Variants in DAPK2 observed in about 807,000 individuals in gnomAD.
The protein encoded by DAPK2 is death-associated protein kinase 2.
Under a neutral mutation model 44.1 loss-of-function variants are expected in DAPK2, and 35 were observed. The ratio of observed to expected loss-of-function variants is 0.79; its 90% confidence interval spans 0.61 to 1.05. DAPK2 has a LOEUF of 1.05. Among genes scored for constraint, DAPK2 ranks in the 50% least tolerant of loss-of-function variants. The pLI, the probability that DAPK2 is intolerant of heterozygous loss-of-function variation, is 0.00. For synonymous variants in DAPK2, 174 were observed against 182.6 expected, an observed-to-expected ratio of 0.95 and a Z score of 0.38; for missense variants, 453 against 483.2, an observed-to-expected ratio of 0.94 and a Z score of 0.59.
At chr15:64,022,069 G>A (rs1409762137) in intron 1 of DAPK2, among the ~76,000 whole-genome samples, 1 of 152,126 alleles carries the variant, frequency 6.6e-6, no homozygotes, top group Non-Finnish European at 1.5e-5. Context: ...CTTGCAAAGA[G>A]GAAAGCAGGG....
At chr15:63,918,811 C>G (rs1021377698) in intron 8 of DAPK2, 1 of 152,356 alleles carries the variant, frequency 6.6e-6, no homozygotes, top group African/African-American at 2.4e-5. Context: ...TGCCACTGCA[C>G]TCCAGCCTGG....
At chr15:63,911,719 A>G (rs2078797124) in intron 10 of DAPK2, 189 bp downstream of exon 11, 1 of 629,496 alleles carries the variant, frequency 1.6e-6, no homozygotes, top group Non-Finnish European at 2.8e-6. Context: ...GGCACCACCC[A>G]GAGGTCCCCA....
intron 3 of DAPK2, among the ~76,000 whole-genome samples, chr15:63,959,150 CTGTT>C (rs1394759087): frequency 3.9e-5 from 6 of 152,242 alleles, no homozygotes; most frequent in East Asian, 3.9e-4. Context: ...ATTTGGTTCT[CTGTT>C]TGTCTATTAT....
upstream of DAPK2, among the ~76,000 whole-genome samples, chr15:64,045,162 C>A (rs2080432708): frequency 6.6e-6 from 1 of 152,192 alleles, no homozygotes; most frequent in Admixed American, 6.5e-5. Flanking sequence ...GTGCGGGTCT[C>A]ATTCCTGCCA....
At position 63,971,976 on chromosome 15, in the gene DAPK2, T is replaced by C. The variant is rs141574260; in HGVS notation, c.315-415A>G. ...CCCCCAAGGTGATGGTATTAGGAGATAGGGCCTTTGGGAAGTAATTAAGTC... is the reference window on the plus strand; with the variant it reads ...CCCCCAAGGTGATGGTATTAGGAGACAGGGCCTTTGGGAAGTAATTAAGTC... On this transcript the variant is annotated intron_variant, in intron 2 of 10. Coordinates refer to ENST00000261891, the Ensembl canonical transcript of DAPK2. Among the ~76,000 whole-genome samples, 9 of 152,334 alleles carry C rather than the reference T, an allele frequency of 5.9e-5. No homozygotes were observed. The South Asian group carries it at 1.2e-3, about 21-fold the overall frequency.
At chr15:64,012,820 G>A (rs2079423142) in intron 1 of DAPK2, among the ~76,000 whole-genome samples, 1 of 152,150 alleles carries the variant, frequency 6.6e-6, no homozygotes, top group Admixed American at 6.5e-5. Context: ...ACTTTTAAAT[G>A]CACTATTTGA....
intron 3 of DAPK2, among the ~76,000 whole-genome samples, chr15:63,968,416 T>C (rs1256380894): frequency 6.6e-6 from 1 of 152,156 alleles, no homozygotes; most frequent in African/African-American, 2.4e-5. Flanking sequence ...TAATGGAAAA[T>C]GTCCAGGTTA....
chr15:63,925,237 G>A (rs774514308), intron 7 of DAPK2, among the ~76,000 whole-genome samples: 20 of 152,046 alleles, frequency 1.3e-4, no homozygotes, highest in African/African-American at 4.3e-4. Flanking sequence ...TCTGCCTTTC[G>A]CTGCTCTGTA....
intron 8 of DAPK2, chr15:63,922,638 C>A (rs575670090): frequency 1.5e-4 from 216 of 1,440,648 alleles, no homozygotes; most frequent in Admixed American, 8.8e-4. Flanking sequence ...CAGACACACA[C>A]CCCTGCAGGA....
chr15:64,007,481 T>A (rs2079265776), intron 1 of DAPK2, among the ~76,000 whole-genome samples: 1 of 152,042 alleles, frequency 6.6e-6, no homozygotes, highest in Non-Finnish European at 1.5e-5. Flanking sequence ...AGGAAACCTC[T>A]CCTGCCTCCT....
chr15:63,912,230 C>T lies in DAPK2; in HGVS notation c.859-33G>A. 1.2e-6 allele frequency: 2 copies of T among 1,608,638 alleles called. No individual in the cohort carries two copies. The highest frequency in any genetic ancestry group is 1.7e-6 in the Non-Finnish European group (2 of 1,176,016). ...ACAAAGCAGAGCATGGCAGCTGATG[C>T]TGGGCTTCAGACAGCAGCCACCCTC... On this transcript the variant is annotated intron_variant, in intron 8 of 10. Transcript: ENST00000261891. This position sits in a 1 kb window ranked among gnomAD's most constrained non-coding sequence, Gnocchi z 4.4.
intron 1 of DAPK2, among the ~76,000 whole-genome samples, chr15:64,011,113 T>A (rs1381562138): frequency 6.6e-6 from 1 of 152,210 alleles, no homozygotes; most frequent in Non-Finnish European, 1.5e-5. Context: ...TAAAGCCATA[T>A]GCAAAGGATC....
chr15:64,002,476 C>A (rs61505354), intron 1 of DAPK2, among the ~76,000 whole-genome samples: 6,551 of 152,158 alleles, frequency 0.043, 480 homozygotes, highest in African/African-American at 0.15. Context: ...CATAATTTGT[C>A]CATAATAGTA....
At chr15:63,947,393 G>A (rs371812205) in intron 3 of DAPK2, among the ~76,000 whole-genome samples, 13 of 152,258 alleles carry the variant, frequency 8.5e-5, no homozygotes, top group Admixed American at 1.3e-4. Context: ...ACCCAAGGGC[G>A]GCTGGCATTA....
chr15:63,998,936 G>C lies in DAPK2; in HGVS notation c.93-15182C>G, dbSNP rs568850673. ...AAGAACCACCAAATATTGGAAGAAG[G>C]CAGCTTCCTCGCAAATCTTCTCTTT... On this transcript the variant is annotated intron_variant, in intron 1 of 10. Coordinates refer to ENST00000261891, the Ensembl canonical transcript of DAPK2. 1.1e-4 allele frequency among the ~76,000 whole-genome samples: 16 copies of C among 152,300 alleles called. No homozygotes were observed. In the South Asian group the frequency reaches 3.3e-3, roughly 32 times the overall value.
intron 1 of DAPK2, among the ~76,000 whole-genome samples, chr15:63,995,558 G>A (rs1300571663): frequency 6.6e-6 from 1 of 152,152 alleles, no homozygotes; most frequent in Non-Finnish European, 1.5e-5. Context: ...TACTCTGAAG[G>A]GAGCAATTCT....
At chr15:63,960,580 CTTTA>C (rs1212741759) in intron 3 of DAPK2, among the ~76,000 whole-genome samples, 2 of 152,284 alleles carry the variant, frequency 1.3e-5, no homozygotes, top group East Asian at 3.9e-4. Flanking sequence ...AAAAGAACAT[CTTTA>C]TTTCTGTCTT....
intron 3 of DAPK2, among the ~76,000 whole-genome samples, chr15:63,946,460 A>G (rs1377247934): frequency 3.9e-5 from 6 of 152,194 alleles, no homozygotes; most frequent in Admixed American, 1.3e-4. Context: ...CATCTATAAA[A>G]TGGGGGCAAA....
At chr15:63,969,582 A>G (rs2078151508) in intron 3 of DAPK2, among the ~76,000 whole-genome samples, 1 of 152,160 alleles carries the variant, frequency 6.6e-6, no homozygotes, top group African/African-American at 2.4e-5. Context: ...CTCTACAAAA[A>G]ATACAAAAAT....
Sources: gnomAD v4.1 joint callset for allele counts (sites outside exome capture counted in the v4.1 genomes callset) on GRCh38, gnomAD v4.1.1 for gene constraint, Gnocchi (gnomAD v3.1) non-coding constraint, MANE v1.5 for transcripts, NCBI Gene and HGNC (gene_info 2026-07-23, HGNC 2026-07-21) for gene names.